PDE12: variants seen among roughly 807,000 people sequenced by gnomAD.
PDE12 encodes the protein 2',5'-phosphodiesterase 12.
Under a neutral mutation model 45.4 loss-of-function variants are expected in PDE12, and 26 were observed. The observed-to-expected ratio is 0.57, with a 90% confidence interval of 0.42 to 0.79. The LOEUF (loss-of-function observed/expected upper bound fraction) is 0.79, where lower values mean the gene tolerates loss of function less well. Ranked by LOEUF, PDE12 falls within the 30% of genes least tolerant of loss-of-function variation. The probability of loss-of-function intolerance (pLI) is 0.00; values close to 1 mark genes in which losing one functional copy is unlikely to be tolerated. For missense variants in PDE12, 668 were observed against 790.0 expected (o/e 0.85, Z 1.85); for synonymous variants, 283 against 323.9 (o/e 0.87, Z 1.36).
At chr3:57,576,955 A>G in the PDE12 span, among the ~76,000 whole-genome samples, 4 of 152,146 alleles carry the variant, frequency 2.6e-5, no homozygotes, top group African/African-American at 9.6e-5. Context: ...GGTCAAAACC[A>G]CTACAGCACT....
At chr3:57,642,557 CAG>C in the PDE12 span, among the ~76,000 whole-genome samples, 3 of 151,980 alleles carry the variant, frequency 2.0e-5, no homozygotes, top group Non-Finnish European at 2.9e-5. Flanking sequence ...GGAGCAAAAG[CAG>C]AAAGGATGAA....
At position 57,559,769 on chromosome 3, in the gene PDE12, T is replaced by G. The variant is rs774588387; in HGVS notation, c.1595T>G (p.Met532Arg). Reference protein sequence around the residue: ...ASNGEEERCNMSLTHFFKLKS... With the variant: ...ASNGEEERCNRSLTHFFKLKS... Reference sequence around the variant, plus strand: ...AATGGGGAGGAGGAAAGATGCAATATGTCTCTTACACATTTCTTCAAGCTG... The same window carrying G: ...AATGGGGAGGAGGAAAGATGCAATAGGTCTCTTACACATTTCTTCAAGCTG... The change falls in exon 3 of 3, where the codon ATG becomes AGG. Residue 532 changes from methionine (M) to arginine (R), a missense_variant. This residue lies in a region of PDE12 where 79 missense variants were observed against 97.9 expected (regional missense o/e 0.81). Transcript: ENST00000311180. 1.2e-6 allele frequency: 2 copies of G among 1,614,214 alleles called. No homozygotes were observed. Among genetic ancestry groups the G allele is most frequent in the Non-Finnish European group, 1.7e-6 (2 of 1,180,036 alleles).
rs1490352242 is a variant in PDE12, at chr3:57,562,023, G to C, written c.*2019G>C. 1 of 980,948 alleles carries C rather than the reference G, an allele frequency of 1.0e-6. No individual in the cohort carries two copies. Among genetic ancestry groups the C allele is most frequent in the East Asian group, 1.1e-4 (1 of 8,802 alleles). The allele number at this position is 980,948 out of a possible 1,614,324, so 60.8% of individuals were successfully genotyped here. On this transcript the variant is annotated 3_prime_UTR_variant, in exon 3 of 3. Transcript: ENST00000311180. ...GCAGTTTACAAATATGTAAATAATA[G>C]ATTAAAACCAAATCTTGATTCTCTT...
At chr3:57,589,286 G>A in the PDE12 span, among the ~76,000 whole-genome samples, 1 of 151,676 alleles carries the variant, frequency 6.6e-6, no homozygotes, top group Non-Finnish European at 1.5e-5. Context: ...ACAAAAATTA[G>A]GCAGGGTGGT....
chr3:57,570,509 C>T (rs1008381082), downstream of PDE12, among the ~76,000 whole-genome samples: 9 of 151,754 alleles, frequency 5.9e-5, no homozygotes, highest in Non-Finnish European at 1.0e-4. Flanking sequence ...TGAGCCACCA[C>T]GCCTGGCCAT....
chr3:57,569,925 A>G (rs770233127), downstream of PDE12, among the ~76,000 whole-genome samples: 1 of 151,822 alleles, frequency 6.6e-6, no homozygotes, highest in East Asian at 1.9e-4. Flanking sequence ...GTCCCTTTAC[A>G]GTCCATGTAA....
chr3:57,570,845 CCTG>C (rs2069833963), downstream of PDE12, among the ~76,000 whole-genome samples: 1 of 152,130 alleles, frequency 6.6e-6, no homozygotes, highest in African/African-American at 2.4e-5. Flanking sequence ...ACAAGTAGCA[CCTG>C]AATTTTTTTG....
the PDE12 span, among the ~76,000 whole-genome samples, chr3:57,585,604 T>C: frequency 6.6e-6 from 1 of 151,728 alleles, no homozygotes; most frequent in Admixed American, 6.6e-5. Flanking sequence ...ACCCTAGAAC[T>C]TAAAGTATAA....
At position 57,556,945 on chromosome 3, in the gene PDE12, A is replaced by G. The variant is rs748678796; in HGVS notation, c.566A>G (p.Asp189Gly). ...VCPKLSLEFGDPASSLFRWYK... is the reference protein window; with the variant it reads ...VCPKLSLEFGGPASSLFRWYK... ...CCCAAACTCAGCCTCGAATTTGGGG[A>G]TCCCGCCAGCTCCCTTTTCCGCTGG... Residue 189 changes from aspartate (D) to glycine (G), a missense_variant, in exon 1 of 3, where the codon GAT becomes GGT. This residue lies in a region of PDE12 where 580 missense variants were observed against 662.9 expected (regional missense o/e 0.87). Coordinates refer to ENST00000311180, the MANE Select transcript of PDE12 (RefSeq NM_177966.7). The surrounding 1 kb of genome is among the most constrained non-coding windows in gnomAD (Gnocchi z 5.0). 48 of 1,614,116 alleles carry G rather than the reference A, an allele frequency of 3.0e-5. No individual in the cohort carries two copies. Among genetic ancestry groups the G allele is most frequent in the Non-Finnish European group, 4.1e-5 (48 of 1,180,032 alleles).
the PDE12 span, chr3:57,577,520 C>A: frequency 1.5e-6 from 1 of 671,518 alleles, no homozygotes; most frequent in Non-Finnish European, 2.6e-6. Context: ...GAACTTAAGG[C>A]TGTAATGCTA....
chr3:57,599,962 G>T, the PDE12 span: 1 of 151,232 alleles, frequency 6.6e-6, no homozygotes, highest in East Asian at 1.9e-4. Flanking sequence ...CAAAGTGTTG[G>T]GATTACAGGT....
chr3:57,581,583 A>G, the PDE12 span, among the ~76,000 whole-genome samples: 1 of 152,138 alleles, frequency 6.6e-6, no homozygotes, highest in Middle Eastern at 3.2e-3. Flanking sequence ...GGTGGATCAC[A>G]TGAGGTCAGG....
At position 57,557,491 on chromosome 3, in the gene PDE12, A is replaced by G. The variant is rs533497693; in HGVS notation, c.1112A>G (p.Glu371Gly). The G allele has an allele frequency of 8.7e-6, 14 of 1,613,958 alleles. No homozygotes were observed. In the South Asian group the frequency reaches 1.5e-4, roughly 18 times the overall value. Residue 371 changes from glutamate (E) to glycine (G), a missense_variant, in exon 1 of 3, where the codon GAG (glutamate) becomes GGG (glycine). Physicochemically the swap from Glu to Gly is moderately conservative, Grantham distance 98. Coordinates refer to ENST00000311180, the MANE Select transcript of PDE12 (RefSeq NM_177966.7). The part of the protein sequence containing the change: ...LVPALEAFGL[E>G]GVFRIKQHEG... ...CCCGCCCTAGAGGCCTTCGGGCTCG[A>G]GGGGGTGTTTCGAATCAAGCAGCAC...
the PDE12 span, chr3:57,596,987 G>C: frequency 1.4e-6 from 2 of 1,419,276 alleles, no homozygotes; most frequent in South Asian, 2.4e-5. Context: ...CACAGCGGGC[G>C]GAGGAAAAAA....
the PDE12 span, among the ~76,000 whole-genome samples, chr3:57,633,741 T>C: frequency 0.045 from 6,873 of 151,880 alleles, 224 homozygotes; most frequent in Non-Finnish European, 0.071. Flanking sequence ...AATACAAAAA[T>C]TAGCTGGGTG....
At chr3:57,616,360 G>A in the PDE12 span, among the ~76,000 whole-genome samples, 1 of 149,758 alleles carries the variant, frequency 6.7e-6, no homozygotes, top group Non-Finnish European at 1.5e-5. Flanking sequence ...AAAGGAGGAG[G>A]AGGAGGAGGA....
chr3:57,612,527 C>G, the PDE12 span, among the ~76,000 whole-genome samples: 1 of 152,082 alleles, frequency 6.6e-6, no homozygotes, highest in African/African-American at 2.4e-5. Context: ...AATCCCAACA[C>G]TTTTGGAGGC....
At chr3:57,573,657 T>A in the PDE12 span, among the ~76,000 whole-genome samples, 1 of 152,100 alleles carries the variant, frequency 6.6e-6, no homozygotes, top group Admixed American at 6.6e-5. Flanking sequence ...CTCGGCTCAC[T>A]ACAACCTCCG....
At chr3:57,632,241 G>A in the PDE12 span, among the ~76,000 whole-genome samples, 38 of 150,916 alleles carry the variant, frequency 2.5e-4, no homozygotes, top group African/African-American at 9.0e-4. Flanking sequence ...AGCCAGGATG[G>A]TCTCGATCTC....
Sources: gnomAD v4.1 joint callset for allele counts (sites outside exome capture counted in the v4.1 genomes callset) on GRCh38, gnomAD v4.1.1 for gene constraint, gnomAD v4.1.1 regional missense constraint, Gnocchi (gnomAD v3.1) non-coding constraint, MANE v1.5 for transcripts, NCBI Gene and HGNC (gene_info 2026-07-23, HGNC 2026-07-21) for gene names.